ADAMTS2: variants seen among roughly 807,000 people sequenced by gnomAD.
ADAMTS2 encodes the protein ADAM metallopeptidase with thrombospondin type 1 motif 2.
Under a neutral mutation model 123.0 loss-of-function variants are expected in ADAMTS2, and 50 were observed. That is an observed-to-expected ratio of 0.41 (90% CI 0.32 to 0.51). The LOEUF is 0.51. ADAMTS2 is among the 20% of genes least tolerant of loss of function. The probability of loss-of-function intolerance (pLI) is 0.35; values close to 1 mark genes in which losing one functional copy is unlikely to be tolerated. For synonymous variants in ADAMTS2, 678 were observed against 695.4 expected (o/e 0.98, Z 0.39); for missense variants, 1,494 against 1,705.2 (o/e 0.88, Z 2.18).
rs888763 is a variant in ADAMTS2, at chr5:179,180,769, T to C, written c.975+303A>G. On this transcript the variant is annotated intron_variant, in intron 5 of 21. Coordinates refer to ENST00000251582, the MANE Select transcript of ADAMTS2 (RefSeq NM_014244.5). This position sits in a 1 kb window ranked among gnomAD's most constrained non-coding sequence, Gnocchi z 4.6. ...TGGACTCAGGCTGCTGTTTACCCAA[T>C]TCCCTCTGCCTCCTGACCACCCCTG... 0.58 allele frequency among the ~76,000 whole-genome samples: 87,474 copies of C among 152,058 alleles called. 26,481 individuals carry two copies. The highest frequency in any genetic ancestry group is 0.86 in the East Asian group (4,427 of 5,148).
In ADAMTS2 at chr5:179,193,336, C is replaced by T. The variant is rs529023300; in HGVS notation, c.892-12181G>A. Among the ~76,000 whole-genome samples, 6 of 152,292 alleles carry T rather than the reference C, an allele frequency of 3.9e-5. No individual in the cohort carries two copies. The South Asian group carries it at 1.2e-3, about 32-fold the overall frequency. On this transcript the variant is annotated intron_variant, in intron 4 of 21. Coordinates refer to ENST00000251582, the MANE Select transcript of ADAMTS2 (RefSeq NM_014244.5). The stretch of plus-strand genomic sequence containing the variant: ...CCTACGCCGAGTACTTCCCCGCGTG[C>T]GATATCTTTCCCTTCCCACACCCTG...
chr5:179,288,958 G>A (rs1175169129), intron 2 of ADAMTS2, among the ~76,000 whole-genome samples: 1 of 152,178 alleles, frequency 6.6e-6, no homozygotes, highest in African/African-American at 2.4e-5. Context: ...CCCGCCCTCC[G>A]GCAGTGCCAA....
At chr5:179,137,697 C>G in intron 12 of ADAMTS2, 72 bp downstream of exon 12, 1 of 1,516,886 alleles carries the variant, frequency 6.6e-7, no homozygotes, top group Non-Finnish European at 8.8e-7. Flanking sequence ...GGATCAGAGG[C>G]ACAAGCCCCC....
chr5:179,313,574 A>G (rs662944), intron 2 of ADAMTS2, among the ~76,000 whole-genome samples: 11 of 9,222 alleles, frequency 1.2e-3, no homozygotes, highest in Non-Finnish European at 1.7e-3. Context: ...GGGCCTGGCC[A>G]GAGCAGGGGT....
At chr5:179,196,211 G>GA (rs1764428404) in intron 4 of ADAMTS2, among the ~76,000 whole-genome samples, 1 of 152,032 alleles carries the variant, frequency 6.6e-6, no homozygotes, top group African/African-American at 2.4e-5. Context: ...ATGAAAAGAG[G>GA]AAAAATATCT....
intron 5 of ADAMTS2, among the ~76,000 whole-genome samples, chr5:179,171,096 C>T (rs1272310907): frequency 6.6e-6 from 1 of 152,134 alleles, no homozygotes; most frequent in Non-Finnish European, 1.5e-5. Flanking sequence ...TTTTTGGATA[C>T]CTCGGTTTTT....
At chr5:179,304,164 A>T (rs1025316736) in intron 2 of ADAMTS2, among the ~76,000 whole-genome samples, 1 of 152,226 alleles carries the variant, frequency 6.6e-6, no homozygotes, top group Non-Finnish European at 1.5e-5. Context: ...CCACAGGCAC[A>T]TTGGAACTTG....
rs1756732116 is a variant in ADAMTS2 at position 179,308,318 on chromosome 5, C to T, written c.535-35254G>A. Among the ~76,000 whole-genome samples the T allele has an allele frequency of 6.6e-6, 1 of 152,198 alleles. No individual in the cohort carries two copies. The highest frequency in any genetic ancestry group is 1.5e-5 in the Non-Finnish European group (1 of 68,032). On this transcript the variant is annotated intron_variant, in intron 2 of 21. Transcript: ENST00000251582. This position sits in a 1 kb window ranked among gnomAD's most constrained non-coding sequence, Gnocchi z 6.6. ...GTCGGGAGTCACCAGGACCATCTGA[C>T]AAATGACCGCCTTGGGGATCCGTGG...
rs992259391 is a variant in ADAMTS2 at position 179,155,932 on chromosome 5, G to A, written c.1133-1013C>T. On this transcript the variant is annotated intron_variant, in intron 6 of 21. Coordinates refer to ENST00000251582, the MANE Select transcript of ADAMTS2 (RefSeq NM_014244.5). The surrounding 1 kb of genome is among the most constrained non-coding windows in gnomAD (Gnocchi z 5.1). ...GACCCCGGGTGAGCTGGCGGTGTAC[G>A]CGCCTAAAAATAGAAGCATCGTGAT... Among the ~76,000 whole-genome samples the A allele has an allele frequency of 6.6e-6, 1 of 152,108 alleles. No homozygotes were observed. Among genetic ancestry groups the A allele is most frequent in the South Asian group, 2.1e-4 (1 of 4,816 alleles).
At chr5:179,264,278 C>T (rs1393565209) in intron 3 of ADAMTS2, among the ~76,000 whole-genome samples, 1 of 152,218 alleles carries the variant, frequency 6.6e-6, no homozygotes, top group Non-Finnish European at 1.5e-5. Context: ...CTTTCACCGT[C>T]ATCCATGGGG....
At chr5:179,211,369 G>C (rs868285978) in intron 3 of ADAMTS2, among the ~76,000 whole-genome samples, 1 of 76,176 alleles carries the variant, frequency 1.3e-5, no homozygotes, top group African/African-American at 5.3e-5. Context: ...TGGGCCCCCT[G>C]GGGGTGCTGA....
At chr5:179,163,049 G>A (rs1437373056) in intron 5 of ADAMTS2, among the ~76,000 whole-genome samples, 1 of 152,196 alleles carries the variant, frequency 6.6e-6, no homozygotes, top group African/African-American at 2.4e-5. Context: ...CCCAATATCA[G>A]GACCAGAGGC....
At chr5:179,344,712 C>A (rs1757890160) in intron 1 of ADAMTS2, among the ~76,000 whole-genome samples, 1 of 152,242 alleles carries the variant, frequency 6.6e-6, no homozygotes, top group Non-Finnish European at 1.5e-5. Flanking sequence ...GGCCCCGTCT[C>A]CCCGAGCGCC....
At chr5:179,299,751 G>A (rs113420966) in intron 2 of ADAMTS2, among the ~76,000 whole-genome samples, 9 of 151,702 alleles carry the variant, frequency 5.9e-5, no homozygotes, top group Non-Finnish European at 8.8e-5. Flanking sequence ...AGCCAGCACC[G>A]GAGCATCTAC....
intron 3 of ADAMTS2, among the ~76,000 whole-genome samples, chr5:179,226,317 A>G: frequency 7.1e-6 from 1 of 141,312 alleles, no homozygotes; most frequent in Admixed American, 7.7e-5. Flanking sequence ...CCCAGGCTGG[A>G]GTACAGTGGC....
In ADAMTS2 at chr5:179,269,176, G is replaced by A. The variant is rs561416301; in HGVS notation, c.688+3735C>T. Among the ~76,000 whole-genome samples, 35 of 152,298 alleles carry A rather than the reference G, an allele frequency of 2.3e-4. No homozygotes were observed. In the South Asian group the frequency reaches 3.7e-3, roughly 16 times the overall value. Reference sequence around the variant, plus strand: ...AGGGAGGCTGGCAGCCCCCAGGAGCGGGGATGGGCCAGAAACAGATTCTCC... The same window carrying A: ...AGGGAGGCTGGCAGCCCCCAGGAGCAGGGATGGGCCAGAAACAGATTCTCC... On this transcript the variant is annotated intron_variant, in intron 3 of 21. Coordinates refer to ENST00000251582, the MANE Select transcript of ADAMTS2 (RefSeq NM_014244.5).
intron 2 of ADAMTS2, among the ~76,000 whole-genome samples, chr5:179,333,596 GTTTTTTTTTTTT>G (rs1219136980): frequency 1.2e-4 from 13 of 105,966 alleles, no homozygotes; most frequent in African/African-American, 4.3e-4. Context: ...GTTTTTTTCT[GTTTTTTTTTTTT>G]TTTTTTTTTT....
intron 10 of ADAMTS2, among the ~76,000 whole-genome samples, chr5:179,142,732 G>A (rs1320846919): frequency 1.3e-5 from 2 of 152,174 alleles, no homozygotes; most frequent in African/African-American, 4.8e-5. Flanking sequence ...CCAAGGCTGT[G>A]ACCTCTGGGG....
rs1764041344 is a variant in ADAMTS2 at position 179,181,242 on chromosome 5, T to C, written c.892-87A>G. On this transcript the variant is annotated intron_variant, in intron 4 of 21. Transcript: ENST00000251582. The surrounding 1 kb of genome is among the most constrained non-coding windows in gnomAD (Gnocchi z 4.1). ...CAATGGGATGACCCCCACCTGCTCC[T>C]TCTTCTTCCCATGCTTTCCACCCAG... is the stretch of plus-strand genomic sequence containing the variant. 1.0e-6 allele frequency: 1 copy of C among 956,284 alleles called. No homozygotes were observed. Among genetic ancestry groups the C allele is most frequent in the African/African-American group, 1.6e-5 (1 of 62,214 alleles). 59.2% of individuals were successfully genotyped at this position (956,284 alleles called of 1,614,324 possible). A position where few individuals can be genotyped will look rare whatever the true frequency, so the allele number is the denominator to read the frequency against.
Sources: gnomAD v4.1 joint callset for allele counts (sites outside exome capture counted in the v4.1 genomes callset) on GRCh38, gnomAD v4.1.1 for gene constraint, Gnocchi (gnomAD v3.1) non-coding constraint, MANE v1.5 for transcripts, NCBI Gene and HGNC (gene_info 2026-07-23, HGNC 2026-07-21) for gene names.